The following TRHDE variants were observed in gnomAD, a reference collection of about 807,000 sequenced individuals.
TRHDE encodes thyrotropin-releasing hormone-degrading ectoenzyme.
Under a neutral mutation model 125.7 loss-of-function variants are expected in TRHDE, and 72 were observed. The ratio of observed to expected loss-of-function variants is 0.57; its 90% CI spans 0.47 to 0.70. The LOEUF is 0.70. Ranked by LOEUF, TRHDE falls within the 30% of genes least tolerant of loss-of-function variation. The pLI is 0.00. For synonymous variants in TRHDE, 509 were observed against 509.1 expected, an observed-to-expected ratio of 1.00 and a Z score of 0.00; for missense variants, 1,110 against 1,327.1, an observed-to-expected ratio of 0.84 and a Z score of 2.54.
intron 2 of TRHDE, among the ~76,000 whole-genome samples, chr12:72,181,905 A>G (rs1007300974): frequency 1.3e-5 from 2 of 152,180 alleles, no homozygotes; most frequent in African/African-American, 2.4e-5. Flanking sequence ...TGTTGTTTTT[A>G]TAGTTTGCTC....
At chr12:72,325,881 T>G (rs1035744029) in intron 2 of TRHDE, among the ~76,000 whole-genome samples, 3 of 152,172 alleles carry the variant, frequency 2.0e-5, no homozygotes, top group African/African-American at 7.2e-5. Flanking sequence ...CAAAATATGA[T>G]TTTTGTTTTA....
At chr12:72,146,721 C>T (rs142744130) in intron 2 of TRHDE, among the ~76,000 whole-genome samples, 22 of 152,294 alleles carry the variant, frequency 1.4e-4, no homozygotes, top group Middle Eastern at 6.8e-3. Context: ...TCAGCTTTGC[C>T]GTCCGCAGAC....
intron 5 of TRHDE, among the ~76,000 whole-genome samples, chr12:72,475,422 A>G (rs1257884593): frequency 1.3e-5 from 2 of 152,164 alleles, no homozygotes; most frequent in Non-Finnish European, 2.9e-5. Context: ...CACCATTATG[A>G]AAAATGCATC....
intron 2 of TRHDE, among the ~76,000 whole-genome samples, chr12:72,107,536 A>G (rs1875215873): frequency 6.6e-6 from 1 of 152,022 alleles, no homozygotes; most frequent in South Asian, 2.1e-4. Flanking sequence ...AATTAGGTGA[A>G]CTCTCTTTCT....
chr12:72,531,400 C>T (rs1009570184), intron 6 of TRHDE, among the ~76,000 whole-genome samples: 1 of 151,810 alleles, frequency 6.6e-6, no homozygotes, highest in Admixed American at 6.6e-5. Flanking sequence ...TCTTTCATTG[C>T]TAATAGTACT....
chr12:72,211,307 G>A (rs961347989), intron 2 of TRHDE, among the ~76,000 whole-genome samples: 1 of 152,184 alleles, frequency 6.6e-6, no homozygotes, highest in Admixed American at 6.6e-5. Context: ...AGTTCTGGTT[G>A]AAGGGACTTA....
At chr12:72,322,136 C>T (rs1040350589) in intron 2 of TRHDE, among the ~76,000 whole-genome samples, 4 of 152,088 alleles carry the variant, frequency 2.6e-5, no homozygotes, top group African/African-American at 9.7e-5. Flanking sequence ...CATGGTCACT[C>T]AAAGACATGA....
chr12:72,443,451 C>T (rs554160479), intron 3 of TRHDE, among the ~76,000 whole-genome samples: 83 of 151,682 alleles, frequency 5.5e-4, no homozygotes, highest in African/African-American at 1.7e-3. Context: ...CTTGTTGAGA[C>T]CTAAGAAGCA....
At chr12:72,106,299 G>A (rs1522733) in intron 2 of TRHDE, among the ~76,000 whole-genome samples, 108,790 of 152,054 alleles carry the variant, frequency 0.72, 40,176 homozygotes, top group Non-Finnish European at 0.81. Context: ...AAGTTTAAAC[G>A]TTGTAAATCT....
intron 17 of TRHDE, among the ~76,000 whole-genome samples, chr12:72,656,709 T>C (rs1469435080): frequency 6.6e-6 from 1 of 152,158 alleles, no homozygotes; most frequent in Non-Finnish European, 1.5e-5. Context: ...TCTGAAACAC[T>C]GTGAACCATA....
chr12:72,562,032 G>A, intron 7 of TRHDE, 133 bp from the exon 8 acceptor site: 1 of 495,666 alleles, frequency 2.0e-6, no homozygotes, highest in Non-Finnish European at 3.7e-6. Context: ...TTTTAAATGA[G>A]ATTATTTATC....
At chr12:72,208,456 G>A (rs1398520688) in intron 2 of TRHDE, among the ~76,000 whole-genome samples, 1 of 152,168 alleles carries the variant, frequency 6.6e-6, no homozygotes, top group East Asian at 1.9e-4. Flanking sequence ...GGAAATGAGA[G>A]TATAAAATAG....
chr12:72,178,883 A>G (rs957795423), intron 2 of TRHDE, among the ~76,000 whole-genome samples: 1 of 152,142 alleles, frequency 6.6e-6, no homozygotes, highest in Non-Finnish European at 1.5e-5. Flanking sequence ...TTTCTTTAAA[A>G]TAAACAAAAG....
chr12:72,448,262 A>C (rs2135866038), intron 3 of TRHDE, among the ~76,000 whole-genome samples: 1 of 152,186 alleles, frequency 6.6e-6, no homozygotes, highest in African/African-American at 2.4e-5. Context: ...GCATTTATTA[A>C]GACTGTTTTC....
At chr12:72,304,613 C>A (rs997605315) in intron 2 of TRHDE, among the ~76,000 whole-genome samples, 1 of 152,054 alleles carries the variant, frequency 6.6e-6, no homozygotes, top group African/African-American at 2.4e-5. Context: ...ATGACACAGT[C>A]AAACAACTGT....
intron 6 of TRHDE, among the ~76,000 whole-genome samples, chr12:72,530,499 T>G (rs1868493537): frequency 6.7e-6 from 1 of 149,734 alleles, no homozygotes; most frequent in South Asian, 2.2e-4. Context: ...TAATTACTTT[T>G]CTCAACCTCT....
At chr12:72,228,025 GC>G (rs1412437397) in intron 2 of TRHDE, among the ~76,000 whole-genome samples, 1 of 152,170 alleles carries the variant, frequency 6.6e-6, no homozygotes, top group Non-Finnish European at 1.5e-5. Context: ...AGTATCTGCA[GC>G]TTTTCCAGGT....
intron 10 of TRHDE, among the ~76,000 whole-genome samples, chr12:72,572,651 CT>C (rs1158335368): frequency 6.6e-6 from 1 of 151,974 alleles, no homozygotes; most frequent in African/African-American, 2.4e-5. Flanking sequence ...CAGTAATAAC[CT>C]TCAGGTTTTA....
intron 12 of TRHDE, among the ~76,000 whole-genome samples, chr12:72,578,291 T>C (rs1377720564): frequency 1.3e-5 from 2 of 152,104 alleles, no homozygotes; most frequent in Non-Finnish European, 2.9e-5. Context: ...TTAAGTTGCT[T>C]AGGTAAGGCG....
Sources: gnomAD v4.1 joint callset for allele counts (sites outside exome capture counted in the v4.1 genomes callset) on GRCh38, gnomAD v4.1.1 for gene constraint, MANE v1.5 for transcripts, NCBI Gene and HGNC (gene_info 2026-07-23, HGNC 2026-07-21) for gene names.